Variants in TTC9 observed in about 807,000 individuals in gnomAD.
TTC9 encodes the protein tetratricopeptide repeat domain 9.
A neutral mutation model predicts 22.9 loss-of-function variants in TTC9; 13 were observed. The observed-to-expected ratio is 0.57, with a 90% CI of 0.37 to 0.90. The LOEUF (loss-of-function observed/expected upper bound fraction) is 0.90, where lower values mean the gene tolerates loss of function less well. TTC9 is among the 40% of genes least tolerant of loss of function. TTC9 has a pLI of 0.01. For missense variants in TTC9, 280 were observed against 291.8 expected, an observed-to-expected ratio of 0.96 and a Z score of 0.29; for synonymous variants, 148 against 133.2, an observed-to-expected ratio of 1.11 and a Z score of -0.77.
intron 1 of TTC9, among the ~76,000 whole-genome samples, chr14:70,657,302 G>A (rs546301561): frequency 1.3e-5 from 2 of 152,344 alleles, no homozygotes; most frequent in East Asian, 1.9e-4. Context: ...GTGCCTACCC[G>A]AAATTGTGTA....
At chr14:70,655,920 C>T (rs941854281) in intron 1 of TTC9, among the ~76,000 whole-genome samples, 3 of 152,058 alleles carry the variant, frequency 2.0e-5, no homozygotes, top group Admixed American at 6.6e-5. Context: ...TCCAGCTCCC[C>T]GCCATGCTGC....
At chr14:70,655,084 T>A (rs1038900312) in intron 1 of TTC9, among the ~76,000 whole-genome samples, 4 of 152,162 alleles carry the variant, frequency 2.6e-5, no homozygotes, top group African/African-American at 9.7e-5. Flanking sequence ...AATTTAGCAT[T>A]GAAAATATAA....
intron 1 of TTC9, among the ~76,000 whole-genome samples, chr14:70,653,796 A>G (rs1245867467): frequency 6.6e-6 from 1 of 152,226 alleles, no homozygotes; most frequent in Non-Finnish European, 1.5e-5. Context: ...GCGGAAAATA[A>G]GGATTTGCCT....
chr14:70,651,221 A>G (rs1276999930), intron 1 of TTC9, among the ~76,000 whole-genome samples: 2 of 152,186 alleles, frequency 1.3e-5, no homozygotes, highest in Non-Finnish European at 2.9e-5. Flanking sequence ...GCCTCAAGTG[A>G]TCCCCCTGCC....
At chr14:70,656,944 G>A (rs1162464923) in intron 1 of TTC9, among the ~76,000 whole-genome samples, 1 of 152,220 alleles carries the variant, frequency 6.6e-6, no homozygotes, top group Admixed American at 6.5e-5. Flanking sequence ...AAGGGTGAGA[G>A]TAAGGGGCCA....
chr14:70,673,839 G>A lies in TTC9; in HGVS notation c.*2684G>A, dbSNP rs1566704705. 6.6e-6 allele frequency: 1 copy of A among 152,118 alleles called. No individual in the cohort carries two copies. Among genetic ancestry groups the A allele is most frequent in the African/African-American group, 2.4e-5 (1 of 41,400 alleles). 9.4% of individuals were successfully genotyped at this position (152,118 alleles called of 1,614,324 possible). ...GATATGATTGTAGCCATCCCATGTAGAAAGATCAAAAACCAGAACGAAATG... is the reference window on the plus strand; with the variant it reads ...GATATGATTGTAGCCATCCCATGTAAAAAGATCAAAAACCAGAACGAAATG... On this transcript the variant is annotated 3_prime_UTR_variant, in exon 3 of 3. Coordinates refer to ENST00000256367, the MANE Select transcript of TTC9 (RefSeq NM_015351.2).
intron 1 of TTC9, among the ~76,000 whole-genome samples, chr14:70,649,214 G>C (rs530976804): frequency 6.6e-6 from 1 of 152,160 alleles, no homozygotes; most frequent in Non-Finnish European, 1.5e-5. Context: ...TATCAGTAAT[G>C]ACAGAAAGGA....
intron 1 of TTC9, among the ~76,000 whole-genome samples, chr14:70,653,931 G>A (rs1886021341): frequency 1.3e-5 from 2 of 152,224 alleles, no homozygotes; most frequent in Admixed American, 1.3e-4. Context: ...ACATCCGACA[G>A]AGAAGCCATG....
chr14:70,662,235 T>C (rs147239266), intron 1 of TTC9, among the ~76,000 whole-genome samples: 1 of 152,208 alleles, frequency 6.6e-6, no homozygotes, highest in African/African-American at 2.4e-5. Context: ...TCCAAGTATA[T>C]CCACAGAGTC....
intron 1 of TTC9, among the ~76,000 whole-genome samples, chr14:70,658,082 C>T (rs1177003830): frequency 6.6e-6 from 1 of 152,186 alleles, no homozygotes; most frequent in African/African-American, 2.4e-5. Flanking sequence ...GTCCGGGTTT[C>T]CACCATTACC....
chr14:70,643,742 T>C (rs1337129604), intron 1 of TTC9, among the ~76,000 whole-genome samples: 1 of 152,134 alleles, frequency 6.6e-6, no homozygotes, highest in Non-Finnish European at 1.5e-5. Context: ...CCCTCTGAGG[T>C]TTCTAGTACC....
At chr14:70,669,142 C>T (rs760098248) in intron 2 of TTC9, among the ~76,000 whole-genome samples, 3 of 151,710 alleles carry the variant, frequency 2.0e-5, no homozygotes, top group Admixed American at 6.6e-5. Context: ...GGTGACAGAG[C>T]GAGACTGTCT....
Position 70,672,451 on chromosome 14 carries a change from A to G in TTC9, c.*1296A>G, listed in dbSNP as rs1386420794. ...CAAACAAGAAACACTTACTGAGGGC[A>G]TATTGTTTGCCCATCATTGTGCAAT... On this transcript the variant is annotated 3_prime_UTR_variant, in exon 3 of 3. Transcript: ENST00000256367. 3.9e-5 allele frequency: 6 copies of G among 152,200 alleles called. No individual in the cohort carries two copies. Among genetic ancestry groups the G allele is most frequent in the Non-Finnish European group, 8.8e-5 (6 of 68,038 alleles). 9.4% of individuals were successfully genotyped at this position (152,200 alleles called of 1,614,324 possible).
At chr14:70,651,378 G>A (rs1884784691) in intron 1 of TTC9, among the ~76,000 whole-genome samples, 1 of 143,330 alleles carries the variant, frequency 7.0e-6, no homozygotes, top group Non-Finnish European at 1.5e-5. Context: ...GGTTATCTGT[G>A]TAGAGAAATT....
At chr14:70,654,550 A>G (rs1052868000) in intron 1 of TTC9, among the ~76,000 whole-genome samples, 11 of 134,400 alleles carry the variant, frequency 8.2e-5, no homozygotes, top group Middle Eastern at 4.2e-3. Flanking sequence ...AGATTGCACT[A>G]CTGCACTCCA....
rs1886353732 is a variant in TTC9 at position 70,675,330 on chromosome 14, CT to C, written c.*4180del. ...TTGCTTTCAAATTTTGTTTATGGTGCTTTTTGACATACATAAATTCTTAATT... is the reference window on the plus strand; with the variant it reads ...TTGCTTTCAAATTTTGTTTATGGTGCTTTTGACATACATAAATTCTTAATT... On this transcript the variant is annotated 3_prime_UTR_variant, in exon 3 of 3. Coordinates refer to ENST00000256367, the MANE Select transcript of TTC9 (RefSeq NM_015351.2). 6.6e-6 allele frequency: 1 copy of C among 152,148 alleles called. No individual in the cohort carries two copies. Among genetic ancestry groups the C allele is most frequent in the South Asian group, 2.1e-4 (1 of 4,834 alleles). 9.4% of individuals were successfully genotyped at this position (152,148 alleles called of 1,614,324 possible).
intron 1 of TTC9, among the ~76,000 whole-genome samples, chr14:70,656,273 A>G (rs950759251): frequency 1.3e-5 from 2 of 151,892 alleles, no homozygotes; most frequent in South Asian, 4.1e-4. Context: ...ATTCAGGTTT[A>G]TACTGTACAA....
At chr14:70,662,020 G>A (rs1886150988) in intron 1 of TTC9, among the ~76,000 whole-genome samples, 1 of 152,176 alleles carries the variant, frequency 6.6e-6, no homozygotes, top group Non-Finnish European at 1.5e-5. Flanking sequence ...CCCACGCCTT[G>A]ATAGAGGCTT....
chr14:70,642,488 G>A lies in TTC9; in HGVS notation c.359G>A (p.Ser120Asn). The change falls in exon 1 of 3, where the codon AGC (serine) becomes AAC (asparagine). Residue 120 changes from serine to asparagine, a missense_variant. Transcript: ENST00000256367. ...CCCGGCCGCCTCTCGGAGGAGCAGAGCAAGACGGTGGAAGCCATCGAGATC... is the reference window on the plus strand; with the variant it reads ...CCCGGCCGCCTCTCGGAGGAGCAGAACAAGACGGTGGAAGCCATCGAGATC... ...LKPGRLSEEQ[S>N]KTVEAIEIDC... is the part of the protein sequence containing the mutation. 2 of 1,548,342 alleles carry A rather than the reference G, an allele frequency of 1.3e-6. No homozygotes were observed. The highest frequency in any genetic ancestry group is 1.7e-6 in the Non-Finnish European group (2 of 1,146,186).
Sources: allele counts gnomAD v4.1 joint callset (sites outside exome capture counted in the v4.1 genomes callset), GRCh38; gene constraint gnomAD v4.1.1; transcripts MANE v1.5; gene names NCBI Gene and HGNC (gene_info 2026-07-23, HGNC 2026-07-21).